Variants in PRSS57 observed in about 807,000 individuals in gnomAD.
PRSS57 encodes the protein serine protease 57, also known as neutrophil serine protease 4.
A neutral mutation model predicts 20.6 loss-of-function variants in PRSS57; 19 were observed. That is an observed-to-expected ratio of 0.92 (90% CI 0.64 to 1.35). PRSS57 has a LOEUF of 1.35. Ranked by LOEUF, PRSS57 falls within the 40% of genes most tolerant of loss-of-function variation. The pLI, the probability that PRSS57 is intolerant of heterozygous loss-of-function variation, is 0.00. For missense variants in PRSS57, 440 were observed against 403.7 expected, an observed-to-expected ratio of 1.09 and a Z score of -0.77; for synonymous variants, 203 against 176.6, an observed-to-expected ratio of 1.15 and a Z score of -1.19.
intron 2 of PRSS57, 142 bp from the exon 3 acceptor site, chr19:692,144 TGGATCACCTGAGGTCGGGA>T (rs2031667338): frequency 1.2e-6 from 1 of 821,342 alleles, no homozygotes; most frequent in South Asian, 6.4e-5. Context: ...GTGAGGAGGG[TGGATCACCTGAGGTCGGGA>T]GTTCAAGACC....
Position 694,863 on chromosome 19 carries a change from G to C in PRSS57, c.184C>G (p.Leu62Val). The stretch of plus-strand genomic sequence containing the variant: ...GAGACCACCCAGCGGGCTCGCAGCA[G>C]GAAGCCTCCGCAGTGATGTTGGCCC... ...FGGQHHCGGF[L>V]LRARWVVSAA... Residue 62 changes from leucine to valine, a missense_variant, in exon 2 of 5, where the codon CTG becomes GTG. Coordinates refer to ENST00000329267, the MANE Select transcript of PRSS57 (RefSeq NM_001308209.2). 6.2e-7 allele frequency: 1 copy of C among 1,606,938 alleles called. No homozygotes were observed. The highest frequency in any genetic ancestry group is 8.5e-7 in the Non-Finnish European group (1 of 1,177,450).
chr19:686,005 C>T, intron 4 of PRSS57, 83 bp from the exon 5 acceptor site: 1 of 1,200,526 alleles, frequency 8.3e-7, no homozygotes, highest in Middle Eastern at 2.5e-4. Context: ...GCCTCAGAAC[C>T]CTCTGTGGCT....
Position 685,829 on chromosome 19 carries a change from C to T in PRSS57, c.736G>A (p.Val246Met), listed in dbSNP as rs376572374. The change falls in exon 5 of 5, where the codon GTG becomes ATG. Residue 246 changes from valine (V) to methionine (M), a missense_variant. Val to Met is a conservative substitution (Grantham distance 21). Coordinates refer to ENST00000329267, the MANE Select transcript of PRSS57 (RefSeq NM_001308209.2). ...LWCGDPKTPD[V>M]YTQVSAFVAW... ...ACAAAGGCGGACACCTGCGTGTACA[C>T]GTCGGGGGTCTTGGGGTCGCCGCAC... 85 of 1,564,108 alleles carry T rather than the reference C, an allele frequency of 5.4e-5. No homozygotes were observed. Among genetic ancestry groups the T allele is most frequent in the Non-Finnish European group, 6.8e-5 (79 of 1,154,524 alleles).
chr19:692,505 C>T lies in PRSS57; in HGVS notation c.234-503G>A, dbSNP rs1427381724. Among the ~76,000 whole-genome samples, 4 of 150,606 alleles carry T rather than the reference C, an allele frequency of 2.7e-5. No homozygotes were observed. In the South Asian group the frequency reaches 8.4e-4, roughly 32 times the overall value. On this transcript the variant is annotated intron_variant, in intron 2 of 4. Coordinates refer to ENST00000329267, the MANE Select transcript of PRSS57 (RefSeq NM_001308209.2). ...AATCGAGGCTTACTGCAACCTCTGC[C>T]TCCTGGGTTCCAGTGATTCTCCTGC... is the stretch of plus-strand genomic sequence containing the variant.
intron 3 of PRSS57, chr19:690,830 G>A (rs961222111): frequency 1.5e-5 from 5 of 338,642 alleles, no homozygotes; most frequent in South Asian, 1.4e-4. Flanking sequence ...GAACAAGATC[G>A]GCAAGCCCTA....
chr19:695,147 C>T (rs1357302314), intron 1 of PRSS57, among the ~76,000 whole-genome samples, 180 bp from the exon 2 acceptor site: 1 of 152,136 alleles, frequency 6.6e-6, no homozygotes, highest in Non-Finnish European at 1.5e-5. Flanking sequence ...GGGAGGGGCT[C>T]CCGAGCCCGG....
At chr19:687,973 A>C (rs56159796) in intron 3 of PRSS57, among the ~76,000 whole-genome samples, 3,557 of 151,850 alleles carry the variant, frequency 0.023, 63 homozygotes, top group South Asian at 0.049. Flanking sequence ...GTCTTCCCAG[A>C]CTCCCAGGCT....
At chr19:690,779 G>A in intron 3 of PRSS57, 1 of 349,412 alleles carries the variant, frequency 2.9e-6, no homozygotes, top group South Asian at 2.8e-5. Flanking sequence ...CGTCATCCTG[G>A]CCAAGCTCTC....
At chr19:694,650 T>C (rs113358902) in intron 2 of PRSS57, among the ~76,000 whole-genome samples, 164 bp downstream of exon 2, 5,361 of 35,510 alleles carry the variant, frequency 0.15, 120 homozygotes, top group Non-Finnish European at 0.28. Context: ...TTTGCCTCCC[T>C]GCCTTATCCT....
rs372326846 is a variant in PRSS57, at chr19:687,178, G to T, written c.389C>A (p.Ser130Tyr). 103 of 1,548,832 alleles carry T rather than the reference G, an allele frequency of 6.7e-5. No individual in the cohort carries two copies. The highest frequency in any genetic ancestry group is 2.9e-4 in the Admixed American group (15 of 51,488). The change falls in exon 4 of 5, where the codon TCT becomes TAT. Residue 130 changes from serine to tyrosine, a missense_variant. By Grantham distance (144) the Ser-to-Tyr change is moderately radical (BLOSUM62 -2). Coordinates refer to ENST00000329267, the MANE Select transcript of PRSS57 (RefSeq NM_001308209.2). Reference sequence around the variant, plus strand: ...CCCCACTGCAGGGCCCAGGACAGCAGAGCCGTTCAGCTGCAGGGAGAGCAT... The same window carrying T: ...CCCCACTGCAGGGCCCAGGACAGCATAGCCGTTCAGCTGCAGGGAGAGCAT... ...NDICLLRLNG[S>Y]AVLGPAVGLL... is the part of the protein sequence containing the mutation.
intron 3 of PRSS57, 73 bp downstream of exon 3, chr19:691,785 C>G: frequency 1.6e-6 from 2 of 1,279,088 alleles, no homozygotes; most frequent in South Asian, 6.6e-5. Context: ...CGCCATTGCC[C>G]TCCAGCCCGA....
At chr19:688,026 C>T (rs2031526560) in intron 3 of PRSS57, among the ~76,000 whole-genome samples, 2 of 152,334 alleles carry the variant, frequency 1.3e-5, no homozygotes, top group East Asian at 1.9e-4. Flanking sequence ...CTGTTGAGGC[C>T]GGTTTACCCA....
At position 685,778 on chromosome 19, in the gene PRSS57, G is replaced by T. The variant is rs201490930; in HGVS notation, c.787C>A (p.Arg263=). The T allele has an allele frequency of 6.4e-7, 1 of 1,566,468 alleles. No homozygotes were observed. The highest frequency in any genetic ancestry group is 1.8e-5 in the Admixed American group (1 of 54,332). Residue 263 remains arginine, a synonymous_variant, in exon 5 of 5, where the codon CGG becomes AGG. Transcript: ENST00000329267. The stretch of plus-strand genomic sequence containing the variant: ...AGGGGGCCGGGCTGGGGACTGCTCC[G>T]CCGAACCACGTCCCAGATCCAGGCC... ...FVAWIWDVVR[R]SSPQPGPLPG...
At position 695,036 on chromosome 19, in the gene PRSS57, G is replaced by T. The variant is rs59573646; in HGVS notation, c.80-69C>A. Reference sequence around the variant, plus strand: ...GGATGACGGGGCTGGGGTCAGGGCAGGGGGAGAAGTAGCGGCCAAGACAGA... The same window carrying T: ...GGATGACGGGGCTGGGGTCAGGGCATGGGGAGAAGTAGCGGCCAAGACAGA... On this transcript the variant is annotated intron_variant, in intron 1 of 4. Coordinates refer to ENST00000329267, the MANE Select transcript of PRSS57 (RefSeq NM_001308209.2). 4,869 of 1,400,978 alleles carry T rather than the reference G, an allele frequency of 3.5e-3. 139 individuals are homozygous for T. In the African/African-American group the frequency reaches 0.063, roughly 18 times the overall value. The allele number at this position is 1,400,978 out of a possible 1,614,324, so 86.8% of individuals were successfully genotyped here.
Position 685,776 on chromosome 19 carries a change from C to G in PRSS57, c.789G>C (p.Arg263=), listed in dbSNP as rs1284927248. 5.1e-6 allele frequency: 8 copies of G among 1,566,750 alleles called. No individual in the cohort carries two copies. Among genetic ancestry groups the G allele is most frequent in the Non-Finnish European group, 6.9e-6 (8 of 1,154,666 alleles). The change falls in exon 5 of 5, where the codon CGG becomes CGC. Residue 263 remains arginine, a synonymous_variant. Coordinates refer to ENST00000329267, the MANE Select transcript of PRSS57 (RefSeq NM_001308209.2). ...FVAWIWDVVR[R]SSPQPGPLPG... Reference sequence around the variant, plus strand: ...GCAGGGGGCCGGGCTGGGGACTGCTCCGCCGAACCACGTCCCAGATCCAGG... The same window carrying G: ...GCAGGGGGCCGGGCTGGGGACTGCTGCGCCGAACCACGTCCCAGATCCAGG...
chr19:686,678 C>T (rs2031482414), intron 4 of PRSS57, among the ~76,000 whole-genome samples: 1 of 152,138 alleles, frequency 6.6e-6, no homozygotes, highest in Admixed American at 6.6e-5. Flanking sequence ...CTGTTACTAC[C>T]CTCTACTGAA....
chr19:695,204 C>A, intron 1 of PRSS57, 148 bp downstream of exon 1: 1 of 485,684 alleles, frequency 2.1e-6, no homozygotes. Context: ...GATTTCCATC[C>A]ATTTCCAGCA....
chr19:687,775 AC>A (rs1239882272), intron 3 of PRSS57, among the ~76,000 whole-genome samples: 1 of 151,910 alleles, frequency 6.6e-6, no homozygotes, highest in South Asian at 2.1e-4. Flanking sequence ...TGCCCTCAAG[AC>A]AAAACCTCTT....
intron 1 of PRSS57, 101 bp from the exon 2 acceptor site, chr19:695,068 G>A (rs1006270202): frequency 9.1e-5 from 106 of 1,171,180 alleles, no homozygotes; most frequent in Admixed American, 1.3e-4. Flanking sequence ...CAGAGACAGG[G>A]GGTGAGATTA....
Sources: allele counts gnomAD v4.1 joint callset (sites outside exome capture counted in the v4.1 genomes callset), GRCh38; gene constraint gnomAD v4.1.1; transcripts MANE v1.5; gene names NCBI Gene and HGNC (gene_info 2026-07-23, HGNC 2026-07-21).